Variants in CBL observed in about 807,000 individuals in gnomAD.
CBL encodes E3 ubiquitin-protein ligase CBL.
A neutral mutation model predicts 96.9 loss-of-function variants in CBL; 45 were observed. That is an observed-to-expected ratio of 0.46 (90% CI 0.37 to 0.60). The LOEUF is 0.60. Ranked by LOEUF, CBL falls within the 20% of genes least tolerant of loss-of-function variation. The pLI, the probability that CBL is intolerant of heterozygous loss-of-function variation, is 0.00. For synonymous variants in CBL, 420 were observed against 426.8 expected, an observed-to-expected ratio of 0.98 and a Z score of 0.20; for missense variants, 1,024 against 1,143.5, an observed-to-expected ratio of 0.90 and a Z score of 1.51.
chr11:119,276,581 C>T (rs1220211697), intron 6 of CBL, among the ~76,000 whole-genome samples: 1 of 152,190 alleles, frequency 6.6e-6, no homozygotes, highest in Non-Finnish European at 1.5e-5. Context: ...CTACTGTAAC[C>T]TATGCTGCTA....
chr11:119,299,531 C>T lies in CBL; in HGVS notation c.2471C>T (p.Pro824Leu), dbSNP rs2135322034. 2 of 1,614,114 alleles carry T rather than the reference C, an allele frequency of 1.2e-6. No individual in the cohort carries two copies. The highest frequency in any genetic ancestry group is 1.7e-6 in the Non-Finnish European group (2 of 1,180,018). ...GGTTCCCAAGTTCCCGAGAGGCCTC[C>T]AAAACCATTCCCGCGGAGAATCAAC... ...TEGSQVPERP[P>L]KPFPRRINSE... Residue 824 changes from proline (P) to leucine (L), a missense_variant, in exon 16 of 16, where the codon CCA (proline) becomes CTA (leucine). Transcript: ENST00000264033.
At chr11:119,283,667 T>G (rs1401032110) in intron 9 of CBL, among the ~76,000 whole-genome samples, 3 of 139,434 alleles carry the variant, frequency 2.2e-5, no homozygotes, top group South Asian at 5.0e-4. Flanking sequence ...AGATGGAGTC[T>G]TGCTCTTTTG....
chr11:119,301,096 G>A lies in CBL; in HGVS notation c.*1315G>A, dbSNP rs1950098795. 4.3e-6 allele frequency: 1 copy of A among 233,176 alleles called. No homozygotes were observed. Among genetic ancestry groups the A allele is most frequent in the South Asian group, 1.8e-4 (1 of 5,524 alleles). The allele number at this position is 233,176 out of a possible 1,614,324, so 14.4% of individuals were successfully genotyped here. On this transcript the variant is annotated 3_prime_UTR_variant, in exon 16 of 16. Transcript: ENST00000264033. ...CTGCATTGCTGCCTCCCGATGATGT[G>A]GTTCTTTTCTTGTGCCTGTGGCTTT...
chr11:119,271,917 A>G (rs762678738), intron 3 of CBL, 36 bp downstream of exon 3: 10 of 1,600,552 alleles, frequency 6.2e-6, no homozygotes, highest in Non-Finnish European at 8.5e-6. Flanking sequence ...ACTATGAAAA[A>G]CTAAAGCTTA....
intron 12 of CBL, among the ~76,000 whole-genome samples, chr11:119,291,882 AGTCTCACTCT>A (rs1472263367): frequency 4.6e-5 from 7 of 151,634 alleles, no homozygotes; most frequent in Non-Finnish European, 1.0e-4. Flanking sequence ...TTCGAGACAG[AGTCTCACTCT>A]GTCACCCAGG....
intron 2 of CBL, among the ~76,000 whole-genome samples, chr11:119,243,908 T>C (rs1045211952): frequency 5.9e-5 from 9 of 152,052 alleles, no homozygotes; most frequent in Non-Finnish European, 2.9e-5. Context: ...TTTAAATTTT[T>C]TGTGGACATC....
At chr11:119,260,238 T>TTTTTC (rs1437019266) in intron 2 of CBL, among the ~76,000 whole-genome samples, 5 of 149,366 alleles carry the variant, frequency 3.3e-5, no homozygotes, top group East Asian at 2.0e-4. Context: ...TTTTTTTTTC[T>TTTTTC]TTTTCTTTTC....
chr11:119,241,601 T>G lies in CBL; in HGVS notation c.443+8906T>G, dbSNP rs141246988. Among the ~76,000 whole-genome samples the G allele has an allele frequency of 1.6e-4, 25 of 152,256 alleles. No individual in the cohort carries two copies. The East Asian group carries it at 4.8e-3, about 29-fold the overall frequency. Reference sequence around the variant, plus strand: ...CAGTATTTAACAAGCGAGACAAAAGTGTTTGTGCAGCTATAATCTTTTCCT... The same window carrying G: ...CAGTATTTAACAAGCGAGACAAAAGGGTTTGTGCAGCTATAATCTTTTCCT... On this transcript the variant is annotated intron_variant, in intron 2 of 15. Transcript: ENST00000264033.
At chr11:119,228,353 C>A (rs1003019501) in intron 1 of CBL, among the ~76,000 whole-genome samples, 7 of 152,054 alleles carry the variant, frequency 4.6e-5, no homozygotes, top group Admixed American at 3.3e-4. Flanking sequence ...GAAATAGACA[C>A]AAAGCATTTT....
intron 1 of CBL, among the ~76,000 whole-genome samples, chr11:119,210,922 C>T (rs1238470978): frequency 6.6e-6 from 1 of 152,038 alleles, no homozygotes; most frequent in Admixed American, 6.6e-5. Flanking sequence ...TAGTACTGAA[C>T]CGTGTACATA....
intron 1 of CBL, among the ~76,000 whole-genome samples, chr11:119,211,162 A>G (rs543208093): frequency 4.6e-5 from 7 of 152,138 alleles, no homozygotes; most frequent in Admixed American, 6.5e-5. Flanking sequence ...ATCTGAGGTC[A>G]GGAGTTCGAG....
intron 2 of CBL, among the ~76,000 whole-genome samples, chr11:119,252,438 C>G (rs1949675932): frequency 2.0e-5 from 3 of 152,156 alleles, no homozygotes; most frequent in Admixed American, 2.0e-4. Flanking sequence ...ATTAAAAAGC[C>G]ACTTAGGGAA....
chr11:119,266,018 CAAA>C (rs398017759), intron 2 of CBL, among the ~76,000 whole-genome samples: 3 of 76,028 alleles, frequency 3.9e-5, no homozygotes, highest in Non-Finnish European at 4.8e-5. Flanking sequence ...GACTCCATCT[CAAA>C]AAAAAAAAAA....
intron 2 of CBL, among the ~76,000 whole-genome samples, chr11:119,258,182 T>C (rs1949725027): frequency 6.6e-6 from 1 of 152,102 alleles, no homozygotes; most frequent in African/African-American, 2.4e-5. Flanking sequence ...GAGCCGAGAT[T>C]GCACCATTGC....
chr11:119,224,859 G>A (rs1045142081), intron 1 of CBL, among the ~76,000 whole-genome samples: 1 of 152,066 alleles, frequency 6.6e-6, no homozygotes, highest in African/African-American at 2.4e-5. Flanking sequence ...GTCTCGGGTG[G>A]CAGAGATGGA....
At chr11:119,268,092 T>C (rs761525453) in intron 2 of CBL, among the ~76,000 whole-genome samples, 1 of 152,180 alleles carries the variant, frequency 6.6e-6, no homozygotes, top group Non-Finnish European at 1.5e-5. Context: ...GTTAGAAAGA[T>C]AGGTTAGATC....
chr11:119,275,666 T>C (rs542916332), intron 5 of CBL, among the ~76,000 whole-genome samples: 1 of 151,944 alleles, frequency 6.6e-6, no homozygotes, highest in Admixed American at 6.6e-5. Context: ...AGTTTAAGAC[T>C]GGCCTGGCCA....
chr11:119,274,727 C>T (rs2135299997), intron 4 of CBL, 105 bp from the exon 5 acceptor site: 1 of 1,067,560 alleles, frequency 9.4e-7, no homozygotes, highest in Non-Finnish European at 1.4e-6. Context: ...TTAAAAATTT[C>T]TGACAATGAA....
At chr11:119,257,308 G>T (rs984129898) in intron 2 of CBL, among the ~76,000 whole-genome samples, 1 of 152,198 alleles carries the variant, frequency 6.6e-6, no homozygotes, top group Admixed American at 6.5e-5. Flanking sequence ...CACTCTGGCT[G>T]GGGTAAGGTG....
Sources: gnomAD v4.1 joint callset for allele counts (sites outside exome capture counted in the v4.1 genomes callset) on GRCh38, gnomAD v4.1.1 for gene constraint, MANE v1.5 for transcripts, NCBI Gene and HGNC (gene_info 2026-07-23, HGNC 2026-07-21) for gene names.